Variants in SPTBN1 observed in about 807,000 individuals in gnomAD.
The protein encoded by SPTBN1 is spectrin beta chain, non-erythrocytic 1.
Under a neutral mutation model 266.4 loss-of-function variants are expected in SPTBN1, and 32 were observed. The observed-to-expected ratio is 0.12, with a 90% CI of 0.09 to 0.16. The LOEUF (loss-of-function observed/expected upper bound fraction) is 0.16, where lower values mean the gene tolerates loss of function less well. Ranked by LOEUF, SPTBN1 falls within the 10% of genes least tolerant of loss-of-function variation. The pLI is 1.00. For synonymous variants in SPTBN1, 1,336 were observed against 1,162.2 expected, an observed-to-expected ratio of 1.15 and a Z score of -3.04; for missense variants, 2,296 against 3,067.1, an observed-to-expected ratio of 0.75 and a Z score of 5.94.
chr2:54,665,796 TG>T, intron 33 of SPTBN1, 118 bp from the exon 34 acceptor site: 6 of 1,176,414 alleles, frequency 5.1e-6, no homozygotes, highest in Non-Finnish European at 7.1e-6. Flanking sequence ...GGTTGAGGGT[TG>T]GGTGGGGTCA....
At chr2:54,615,911 C>T (rs1161792522) in intron 4 of SPTBN1, among the ~76,000 whole-genome samples, 1 of 152,148 alleles carries the variant, frequency 6.6e-6, no homozygotes, top group East Asian at 1.9e-4. Context: ...CTGTATGAAC[C>T]CCTGTGCTAG....
At chr2:54,572,877 G>A (rs1423115206) in intron 2 of SPTBN1, among the ~76,000 whole-genome samples, 1 of 152,176 alleles carries the variant, frequency 6.6e-6, no homozygotes, top group Admixed American at 6.5e-5. Flanking sequence ...AAGGGAGAGG[G>A]CTGGAGTTGA....
rs748089858 is a variant in SPTBN1 at position 54,659,273 on chromosome 2, C to T, written c.6356+7C>T. 6.8e-6 allele frequency: 11 copies of T among 1,613,688 alleles called. No homozygotes were observed. Among genetic ancestry groups the T allele is most frequent in the Non-Finnish European group, 9.3e-6 (11 of 1,179,762 alleles). ...CCGAGTCCCAGCAGCAGTGGTGAGT[C>T]CCAGCAGCTCCAGAGGCTGGACCCT... is the stretch of plus-strand genomic sequence containing the variant. On this transcript the variant is annotated splice_region_variant and intron_variant, in intron 31 of 35. Transcript: ENST00000356805.
intron 2 of SPTBN1, among the ~76,000 whole-genome samples, chr2:54,564,631 A>AC (rs1409435000): frequency 6.6e-6 from 1 of 152,048 alleles, no homozygotes; most frequent in Non-Finnish European, 1.5e-5. Flanking sequence ...CACCCTTGAC[A>AC]CCCTGCCCTC....
At chr2:54,486,578 T>TA (rs1405577538) in intron 1 of SPTBN1, among the ~76,000 whole-genome samples, 2 of 152,118 alleles carry the variant, frequency 1.3e-5, no homozygotes, top group African/African-American at 4.8e-5. Flanking sequence ...GGGACACAAA[T>TA]ACTGTGGAAG....
intron 2 of SPTBN1, among the ~76,000 whole-genome samples, chr2:54,589,078 A>G (rs1675493370): frequency 6.6e-6 from 1 of 152,208 alleles, no homozygotes; most frequent in East Asian, 1.9e-4. Flanking sequence ...GTTACAAACA[A>G]TCCAATTATA....
intron 32 of SPTBN1, chr2:54,663,368 CCA>C (rs1272896610): frequency 3.3e-5 from 5 of 152,202 alleles, no homozygotes; most frequent in African/African-American, 1.2e-4. Flanking sequence ...AAAGTGTCAG[CCA>C]CACCCAGCTT....
chr2:54,639,440 C>G (rs1679379059), intron 18 of SPTBN1, among the ~76,000 whole-genome samples: 1 of 152,166 alleles, frequency 6.6e-6, no homozygotes, highest in Non-Finnish European at 1.5e-5. Context: ...TTTTAAAGGG[C>G]AAGTTAGTAA....
intron 1 of SPTBN1, among the ~76,000 whole-genome samples, chr2:54,467,362 G>A (rs1268686331): frequency 2.0e-5 from 3 of 151,980 alleles, no homozygotes; most frequent in Non-Finnish European, 2.9e-5. Flanking sequence ...CATTTTCCAC[G>A]GCATTTTGAA....
chr2:54,547,539 A>G (rs1010829721), intron 2 of SPTBN1, among the ~76,000 whole-genome samples: 6 of 152,152 alleles, frequency 3.9e-5, no homozygotes, highest in Non-Finnish European at 7.3e-5. Flanking sequence ...CCTCCATACT[A>G]TTTCCCACAG....
Position 54,626,657 on chromosome 2 carries a change from G to A in SPTBN1, c.1644+423G>A, listed in dbSNP as rs1011827098. 7.2e-5 allele frequency among the ~76,000 whole-genome samples: 11 copies of A among 152,318 alleles called. No individual in the cohort carries two copies. The highest frequency in any genetic ancestry group is 2.6e-4 in the African/African-American group (11 of 41,556). On this transcript the variant is annotated intron_variant, in intron 12 of 35. Transcript: ENST00000356805. This position sits in a 1 kb window ranked among gnomAD's most constrained non-coding sequence, Gnocchi z 4.7. ...GGTGCCATGGACAGAGGAGAGGTCA[G>A]GAACCAGGCAGCCAGAGTTCTGATT...
chr2:54,611,362 A>G (rs949705610), intron 3 of SPTBN1, among the ~76,000 whole-genome samples: 6 of 152,168 alleles, frequency 3.9e-5, no homozygotes, highest in Non-Finnish European at 8.8e-5. Flanking sequence ...TATATTTACT[A>G]TATTTTTATA....
At chr2:54,511,662 G>A (rs777551580) in intron 1 of SPTBN1, among the ~76,000 whole-genome samples, 1 of 151,996 alleles carries the variant, frequency 6.6e-6, no homozygotes, top group Non-Finnish European at 1.5e-5. Context: ...TCAGGAGTTC[G>A]AGACCAGCCT....
At chr2:54,493,416 G>GGGGGGT (rs563809123) in intron 1 of SPTBN1, among the ~76,000 whole-genome samples, 1 of 150,282 alleles carries the variant, frequency 6.7e-6, no homozygotes, top group Non-Finnish European at 1.5e-5. Context: ...CTTTTTTGGG[G>GGGGGGT]GGTTGGGGGA....
At chr2:54,638,082 C>T (rs956205090) in intron 18 of SPTBN1, among the ~76,000 whole-genome samples, 3 of 152,160 alleles carry the variant, frequency 2.0e-5, no homozygotes, top group Non-Finnish European at 4.4e-5. Context: ...GGTTGGTTGG[C>T]TATTTCATTT....
intron 1 of SPTBN1, among the ~76,000 whole-genome samples, chr2:54,486,020 G>T (rs1346498602): frequency 6.6e-6 from 1 of 151,566 alleles, no homozygotes; most frequent in African/African-American, 2.4e-5. Context: ...GAGGTGAGGG[G>T]CGCCTCTGCC....
In SPTBN1 at chr2:54,628,002, G is replaced by C. The variant is rs1441396119; in HGVS notation, c.1645-95G>C. On this transcript the variant is annotated intron_variant, in intron 12 of 35. Transcript: ENST00000356805. The surrounding 1 kb of genome is among the most constrained non-coding windows in gnomAD (Gnocchi z 4.3). Reference sequence around the variant, plus strand: ...CATGGCAGACTAGAGGGAAGGCATAGCTTCATTGCTGGCTCTCTGCTTGTC... The same window carrying C: ...CATGGCAGACTAGAGGGAAGGCATACCTTCATTGCTGGCTCTCTGCTTGTC... The C allele has an allele frequency of 2.8e-6, 4 of 1,452,442 alleles. No homozygotes were observed. The highest frequency in any genetic ancestry group is 3.7e-6 in the Non-Finnish European group (4 of 1,079,532). 90.0% of individuals were successfully genotyped at this position (1,452,442 alleles called of 1,614,324 possible).
intron 1 of SPTBN1, among the ~76,000 whole-genome samples, chr2:54,516,754 T>C (rs563481764): frequency 6.6e-6 from 1 of 152,254 alleles, no homozygotes; most frequent in East Asian, 1.9e-4. Context: ...TTTGTCAAGG[T>C]TAGGGACACA....
intron 2 of SPTBN1, among the ~76,000 whole-genome samples, chr2:54,541,609 T>A (rs1477665758): frequency 1.3e-5 from 2 of 152,196 alleles, no homozygotes; most frequent in African/African-American, 4.8e-5. Flanking sequence ...TTAATTGACA[T>A]ACGCAACACA....
Sources: gnomAD v4.1 joint callset for allele counts (sites outside exome capture counted in the v4.1 genomes callset) on GRCh38, gnomAD v4.1.1 for gene constraint, Gnocchi (gnomAD v3.1) non-coding constraint, MANE v1.5 for transcripts, NCBI Gene and HGNC (gene_info 2026-07-23, HGNC 2026-07-21) for gene names.